Variants in GPC6 observed in about 807,000 individuals in gnomAD.
The protein encoded by GPC6 is glypican-6.
Under a neutral mutation model 55.2 loss-of-function variants are expected in GPC6, and 14 were observed. That is an observed-to-expected ratio of 0.25 (90% confidence interval 0.17 to 0.40). GPC6 has a LOEUF of 0.40. GPC6 is among the 10% of genes least tolerant of loss of function. The pLI is 1.00. For missense variants in GPC6, 641 were observed against 708.5 expected (o/e 0.90, Z 1.08); for synonymous variants, 278 against 259.6 (o/e 1.07, Z -0.68).
intron 4 of GPC6, among the ~76,000 whole-genome samples, chr13:94,203,837 C>T (rs987296638): frequency 3.3e-5 from 5 of 152,136 alleles, no homozygotes; most frequent in African/African-American, 4.8e-5. Context: ...ATCCTTACTG[C>T]ATGTCTGATA....
chr13:94,189,972 G>A (rs1380114558), intron 4 of GPC6, among the ~76,000 whole-genome samples: 1 of 149,732 alleles, frequency 6.7e-6, no homozygotes, highest in Non-Finnish European at 1.5e-5. Flanking sequence ...AGTGATCCGA[G>A]ATCACGCCAC....
chr13:93,930,919 C>G (rs1369187995), intron 3 of GPC6, among the ~76,000 whole-genome samples: 1 of 152,014 alleles, frequency 6.6e-6, no homozygotes, highest in Admixed American at 6.6e-5. Context: ...AGGAAACTTA[C>G]AATCATGGTG....
chr13:93,656,235 G>A (rs940062841), intron 2 of GPC6, among the ~76,000 whole-genome samples: 5 of 152,008 alleles, frequency 3.3e-5, no homozygotes, highest in Non-Finnish European at 4.4e-5. Context: ...TAATGTAAAC[G>A]GTGTCAGCAA....
intron 4 of GPC6, among the ~76,000 whole-genome samples, chr13:94,074,488 C>T (rs1009911681): frequency 1.3e-5 from 2 of 152,208 alleles, no homozygotes; most frequent in African/African-American, 4.8e-5. Flanking sequence ...CAGGATGCCT[C>T]TTCTCCATGT....
At chr13:93,423,258 C>A (rs1876993390) in intron 1 of GPC6, among the ~76,000 whole-genome samples, 2 of 152,090 alleles carry the variant, frequency 1.3e-5, no homozygotes, top group African/African-American at 2.4e-5. Context: ...TCCGATCAGG[C>A]CAGGTGTATC....
intron 1 of GPC6, among the ~76,000 whole-genome samples, chr13:93,490,853 C>G (rs1879972987): frequency 1.1e-5 from 1 of 88,768 alleles, no homozygotes; most frequent in African/African-American, 4.2e-5. Context: ...ATGAACTCAT[C>G]ATTTTTTATG....
chr13:94,104,239 C>G (rs1885973551), intron 4 of GPC6, among the ~76,000 whole-genome samples: 1 of 152,086 alleles, frequency 6.6e-6, no homozygotes, highest in Admixed American at 6.6e-5. Flanking sequence ...TTCCATTGGT[C>G]TATATCTCTG....
chr13:93,393,127 T>TATATATATATATATAGAGAGAGAGAG (rs1230857277), intron 1 of GPC6, among the ~76,000 whole-genome samples: 1 of 87,622 alleles, frequency 1.1e-5, no homozygotes, highest in African/African-American at 3.9e-5. Flanking sequence ...TATATATATA[T>TATATATATATATATAGAGAGAGAGAG]AGAGAGAGAG....
chr13:93,324,284 TACC>T (rs1414385907), intron 1 of GPC6, among the ~76,000 whole-genome samples: 4 of 151,726 alleles, frequency 2.6e-5, no homozygotes, highest in Non-Finnish European at 4.4e-5. Context: ...GAAGAATGGT[TACC>T]AGAGGCTGGG....
At chr13:93,983,186 A>G (rs1880880249) in intron 3 of GPC6, among the ~76,000 whole-genome samples, 1 of 152,216 alleles carries the variant, frequency 6.6e-6, no homozygotes, top group Non-Finnish European at 1.5e-5. Flanking sequence ...AAGCTTGTGC[A>G]AGACCTGAAC....
At chr13:93,911,754 T>C (rs1019129437) in intron 3 of GPC6, among the ~76,000 whole-genome samples, 4 of 152,242 alleles carry the variant, frequency 2.6e-5, no homozygotes, top group African/African-American at 7.2e-5. Flanking sequence ...TGTGTATCTT[T>C]CAGTGTTGTT....
chr13:94,212,080 G>A (rs562881650), intron 4 of GPC6, among the ~76,000 whole-genome samples: 1 of 152,154 alleles, frequency 6.6e-6, no homozygotes. Flanking sequence ...ACCTGGGAAG[G>A]TGGGTTCTGC....
chr13:93,592,284 A>G (rs1259349227), intron 2 of GPC6, among the ~76,000 whole-genome samples: 2 of 151,108 alleles, frequency 1.3e-5, no homozygotes, highest in Admixed American at 6.6e-5. Flanking sequence ...TCCTGGGTTC[A>G]AGCGATTCTT....
At chr13:93,718,584 T>C (rs894517657) in intron 2 of GPC6, among the ~76,000 whole-genome samples, 1 of 152,116 alleles carries the variant, frequency 6.6e-6, no homozygotes, top group African/African-American at 2.4e-5. Flanking sequence ...TAGTTTATTT[T>C]GCTGTACAGA....
intron 1 of GPC6, among the ~76,000 whole-genome samples, chr13:93,474,739 C>A (rs116487114): frequency 6.6e-6 from 1 of 152,106 alleles, no homozygotes; most frequent in African/African-American, 2.4e-5. Flanking sequence ...GCAGTCTGTC[C>A]GGGTTTTGTG....
intron 1 of GPC6, among the ~76,000 whole-genome samples, chr13:93,463,423 T>C (rs1878776953): frequency 6.6e-6 from 1 of 152,210 alleles, no homozygotes; most frequent in Non-Finnish European, 1.5e-5. Flanking sequence ...ATCTGGCTCT[T>C]CAGTTGTTCT....
intron 4 of GPC6, among the ~76,000 whole-genome samples, chr13:94,225,308 A>G (rs766788216): frequency 3.3e-5 from 5 of 152,128 alleles, no homozygotes; most frequent in African/African-American, 4.8e-5. Context: ...TCTTTGGAGT[A>G]TTATCCCCAA....
chr13:93,841,394 CT>C (rs1887950547), intron 3 of GPC6, among the ~76,000 whole-genome samples: 1 of 152,080 alleles, frequency 6.6e-6, no homozygotes, highest in South Asian at 2.1e-4. Flanking sequence ...CCATTGTTAT[CT>C]TTGTCATTGC....
At chr13:93,666,284 C>G (rs759552968) in intron 2 of GPC6, among the ~76,000 whole-genome samples, 5 of 151,816 alleles carry the variant, frequency 3.3e-5, no homozygotes, top group Admixed American at 6.6e-5. Flanking sequence ...GAATACATAT[C>G]TTTTCAATCT....
Sources: allele counts gnomAD v4.1 joint callset (sites outside exome capture counted in the v4.1 genomes callset), GRCh38; gene constraint gnomAD v4.1.1; transcripts MANE v1.5; gene names NCBI Gene and HGNC (gene_info 2026-07-23, HGNC 2026-07-21).